DTHD1: variants seen among roughly 807,000 people sequenced by gnomAD.
DTHD1 encodes the protein death domain containing 1.
DTHD1 carries 59 observed loss-of-function variants against 74.8 expected under a neutral mutation model. The ratio of observed to expected loss-of-function variants is 0.79; its 90% confidence interval spans 0.64 to 0.98. DTHD1 has a LOEUF of 0.98. DTHD1 is among the 50% of genes least tolerant of loss of function. The pLI, the probability that DTHD1 is intolerant of heterozygous loss-of-function variation, is 0.00. For synonymous variants in DTHD1, 365 were observed against 371.1 expected, an observed-to-expected ratio of 0.98 and a Z score of 0.19; for missense variants, 1,051 against 1,065.4, an observed-to-expected ratio of 0.99 and a Z score of 0.19.
intron 2 of DTHD1, among the ~76,000 whole-genome samples, chr4:36,284,969 G>A (rs1030607968): frequency 6.6e-6 from 1 of 152,062 alleles, no homozygotes; most frequent in Admixed American, 6.6e-5. Context: ...CACCTTGGGG[G>A]TCAGGATTTC....
chr4:36,318,624 T>TTG (rs920860521), intron 8 of DTHD1, among the ~76,000 whole-genome samples: 3 of 144,790 alleles, frequency 2.1e-5, no homozygotes, highest in African/African-American at 7.6e-5. Flanking sequence ...TTTTTTTTTT[T>TTG]TTTTTTTTGA....
chr4:36,342,557 C>CAGGAG (rs1759373006), intron 9 of DTHD1, among the ~76,000 whole-genome samples: 3 of 151,940 alleles, frequency 2.0e-5, no homozygotes, highest in Admixed American at 2.0e-4. Context: ...AACAGGTGAA[C>CAGGAG]AGGAGTCAAC....
chr4:36,303,705 G>A (rs953212586), intron 5 of DTHD1, among the ~76,000 whole-genome samples: 1 of 152,164 alleles, frequency 6.6e-6, no homozygotes, highest in African/African-American at 2.4e-5. Context: ...CACTGGAACC[G>A]GAAGACAGAT....
At chr4:36,317,763 GTGGTACTAATAGTTGGTACTAGA>G (rs757490893) in intron 8 of DTHD1, among the ~76,000 whole-genome samples, 5 of 152,316 alleles carry the variant, frequency 3.3e-5, no homozygotes, top group Non-Finnish European at 7.4e-5. Context: ...GATATAAACA[GTGGTACTAATAGTTGGTACTAGA>G]TGGTACTAAT....
At position 36,343,958 on chromosome 4, in the gene DTHD1, T is replaced by A. The variant is rs534338675; in HGVS notation, c.*134T>A. 24 of 869,956 alleles carry A rather than the reference T, an allele frequency of 2.8e-5. No individual in the cohort carries two copies. In the South Asian group the frequency reaches 4.4e-4, roughly 16 times the overall value. 53.9% of individuals were successfully genotyped at this position (869,956 alleles called of 1,614,324 possible). A position where few individuals can be genotyped will look rare whatever the true frequency, so the allele number is the denominator to read the frequency against. On this transcript the variant is annotated 3_prime_UTR_variant, in exon 10 of 10. Transcript: ENST00000639862. Reference sequence around the variant, plus strand: ...TTTAATGATGTGCTATTTAATGATGTGAGACAAAGGGAGAAGCACGGATCA... The same window carrying A: ...TTTAATGATGTGCTATTTAATGATGAGAGACAAAGGGAGAAGCACGGATCA...
intron 8 of DTHD1, among the ~76,000 whole-genome samples, chr4:36,330,647 A>G (rs1466063978): frequency 6.6e-6 from 1 of 152,096 alleles, no homozygotes; most frequent in Non-Finnish European, 1.5e-5. Flanking sequence ...CAGTTTCATG[A>G]CTAGTTTTGC....
intron 8 of DTHD1, among the ~76,000 whole-genome samples, chr4:36,329,504 T>C (rs892443721): frequency 3.0e-4 from 46 of 152,218 alleles, no homozygotes; most frequent in Non-Finnish European, 1.0e-4. Flanking sequence ...TCATGCTCCT[T>C]GCATTTTGTT....
chr4:36,343,696 A>G lies in DTHD1; in HGVS notation c.2593A>G (p.Lys865Glu), dbSNP rs1202359462. The part of the protein sequence containing the change: ...WKKSLPTFTD[K>E]LRLLARHLRK... The stretch of plus-strand genomic sequence containing the variant: ...AAAATCGCTTCCAACTTTCACCGAC[A>G]AACTTCGCCTCCTGGCTCGACATCT... The change falls in exon 10 of 10, where the codon AAA becomes GAA. Residue 865 changes from lysine to glutamate, a missense_variant. By Grantham distance (56) the Lys-to-Glu change is moderately conservative. Coordinates refer to ENST00000639862, the MANE Select transcript of DTHD1 (RefSeq NM_001170700.3). 5.8e-6 allele frequency: 9 copies of G among 1,551,608 alleles called. No individual in the cohort carries two copies. Among genetic ancestry groups the G allele is most frequent in the African/African-American group, 5.5e-5 (4 of 73,024 alleles).
At chr4:36,307,377 T>C (rs995576027) in intron 6 of DTHD1, among the ~76,000 whole-genome samples, 1 of 152,242 alleles carries the variant, frequency 6.6e-6, no homozygotes, top group Non-Finnish European at 1.5e-5. Flanking sequence ...GCCATCTTCA[T>C]GGTCTCAGGG....
At chr4:36,339,885 C>A (rs535325692) in intron 9 of DTHD1, among the ~76,000 whole-genome samples, 6 of 152,270 alleles carry the variant, frequency 3.9e-5, no homozygotes, top group Non-Finnish European at 7.4e-5. Flanking sequence ...ATATTATAAA[C>A]CCTTTCAGGG....
In DTHD1 at chr4:36,306,152, G is replaced by C. The variant is rs371550754; in HGVS notation, c.1644-39G>C. 1.9e-4 allele frequency: 288 copies of C among 1,505,070 alleles called. 1 individual carries two copies. The African/African-American group carries it at 3.7e-3, about 19-fold the overall frequency. The allele number at this position is 1,505,070 out of a possible 1,614,324, so 93.2% of individuals were successfully genotyped here. A position where few individuals can be genotyped will look rare whatever the true frequency, so the allele number is the denominator to read the frequency against. On this transcript the variant is annotated intron_variant, in intron 5 of 9. Transcript: ENST00000639862. Reference sequence around the variant, plus strand: ...ATGCATTAAATAAGATTTATATCATGTAAATTGTACCAATATCTCTTCTGT... The same window carrying C: ...ATGCATTAAATAAGATTTATATCATCTAAATTGTACCAATATCTCTTCTGT...
At position 36,346,816 on chromosome 4, in the gene DTHD1, A is replaced by G. The variant is rs1386968539; in HGVS notation, c.*2992A>G. On this transcript the variant is annotated 3_prime_UTR_variant, in exon 10 of 10. Transcript: ENST00000639862. ...TGGCCTGCAACCACTGCTCCTCTCA[A>G]GAAGGCCACCTCTAGCCAACTCTCT... Among the ~76,000 whole-genome samples the G allele has an allele frequency of 1.3e-5, 2 of 151,934 alleles. No homozygotes were observed. Among genetic ancestry groups the G allele is most frequent in the East Asian group, 1.9e-4 (1 of 5,158 alleles).
intron 8 of DTHD1, among the ~76,000 whole-genome samples, chr4:36,317,855 G>A (rs970072973): frequency 1.3e-5 from 2 of 152,220 alleles, no homozygotes; most frequent in African/African-American, 4.8e-5. Flanking sequence ...AAGTTTTGTG[G>A]TGTTTGTGGC....
rs956537083 is a variant in DTHD1 at position 36,284,286 on chromosome 4, T to A, written c.582T>A (p.Asn194Lys). The part of the protein sequence containing the change: ...MSSALVEKEN[N>K]TSLNGRVLGQ... The stretch of plus-strand genomic sequence containing the variant: ...CAGCATTAGTGGAAAAAGAAAACAA[T>A]ACATCACTGAATGGACGTGTACTGG... Residue 194 changes from asparagine to lysine, a missense_variant, in exon 2 of 10, where the codon AAT (asparagine) becomes AAA (lysine). Coordinates refer to ENST00000639862, the MANE Select transcript of DTHD1 (RefSeq NM_001170700.3). 6.5e-7 allele frequency: 1 copy of A among 1,536,894 alleles called. No homozygotes were observed. Among genetic ancestry groups the A allele is most frequent in the Non-Finnish European group, 8.7e-7 (1 of 1,146,824 alleles).
Position 36,284,397 on chromosome 4 carries a change from C to G in DTHD1, c.693C>G (p.Asn231Lys), listed in dbSNP as rs1038624277. Residue 231 changes from asparagine to lysine, a missense_variant, in exon 2 of 10, where the codon AAC becomes AAG. By Grantham distance (94) the Asn-to-Lys change is moderately conservative (BLOSUM62 0). Transcript: ENST00000639862. ...DKQIEHMTVE[N>K]INGNREETHG... is the part of the protein sequence containing the mutation. The stretch of plus-strand genomic sequence containing the variant: ...AAATAGAACACATGACTGTTGAGAA[C>G]ATAAATGGCAACAGGGAAGAGACTC... 2 of 1,536,940 alleles carry G rather than the reference C, an allele frequency of 1.3e-6. No individual in the cohort carries two copies. Among genetic ancestry groups the G allele is most frequent in the Non-Finnish European group, 8.7e-7 (1 of 1,146,820 alleles).
intron 5 of DTHD1, among the ~76,000 whole-genome samples, chr4:36,298,212 T>TGC (rs1197146576): frequency 6.6e-6 from 1 of 152,156 alleles, no homozygotes; most frequent in East Asian, 1.9e-4. Flanking sequence ...TTTGTGTGTG[T>TGC]GCCAACCCCA....
chr4:36,340,584 T>A (rs969810903), intron 9 of DTHD1, among the ~76,000 whole-genome samples: 2 of 152,168 alleles, frequency 1.3e-5, no homozygotes, highest in African/African-American at 4.8e-5. Context: ...TAAAGGAAGA[T>A]CAAGTAGTGA....
Position 36,330,964 on chromosome 4 carries a change from A to T in DTHD1, c.2341-8148A>T, listed in dbSNP as rs552140788. 3.3e-5 allele frequency among the ~76,000 whole-genome samples: 5 copies of T among 152,206 alleles called. No individual in the cohort carries two copies. The South Asian group carries it at 8.3e-4, about 25-fold the overall frequency. Reference sequence around the variant, plus strand: ...AAAATTCAGCATACCCTTTACTGTTATGCAATAAATGAGCTCACATTAAGC... The same window carrying T: ...AAAATTCAGCATACCCTTTACTGTTTTGCAATAAATGAGCTCACATTAAGC... On this transcript the variant is annotated intron_variant, in intron 8 of 9. Coordinates refer to ENST00000639862, the MANE Select transcript of DTHD1 (RefSeq NM_001170700.3).
At chr4:36,327,223 T>C (rs546047946) in intron 8 of DTHD1, among the ~76,000 whole-genome samples, 1 of 152,264 alleles carries the variant, frequency 6.6e-6, no homozygotes, top group Non-Finnish European at 1.5e-5. Flanking sequence ...TGCCTTGGCC[T>C]CCCAAAATGC....
Sources: gnomAD v4.1 joint callset for allele counts (sites outside exome capture counted in the v4.1 genomes callset) on GRCh38, gnomAD v4.1.1 for gene constraint, MANE v1.5 for transcripts, NCBI Gene and HGNC (gene_info 2026-07-23, HGNC 2026-07-21) for gene names.